Variants in BCL2 observed in about 807,000 individuals in gnomAD.
The protein encoded by BCL2 is apoptosis regulator Bcl-2.
In BCL2, 1 loss-of-function variant was observed where a neutral mutation model predicts 14.2. The ratio of observed to expected loss-of-function variants is 0.07; its 90% CI spans 0.02 to 0.33. BCL2 has a LOEUF of 0.33. Ranked by LOEUF, BCL2 falls within the 10% of genes least tolerant of loss-of-function variation. The probability of loss-of-function intolerance (pLI) is 0.99; values close to 1 mark genes in which losing one functional copy is unlikely to be tolerated. For missense variants in BCL2, 247 were observed against 305.9 expected, an observed-to-expected ratio of 0.81 and a Z score of 1.44; for synonymous variants, 151 against 137.2, an observed-to-expected ratio of 1.10 and a Z score of -0.70.
chr18:63,253,213 AG>A (rs1270325700), intron 2 of BCL2, among the ~76,000 whole-genome samples: 6 of 152,330 alleles, frequency 3.9e-5, no homozygotes, highest in African/African-American at 1.4e-4. Flanking sequence ...GGCACTTAGC[AG>A]ATGAGCAGAA....
chr18:63,314,728 A>G (rs1452089308), intron 2 of BCL2: 1 of 152,256 alleles, frequency 6.6e-6, no homozygotes, highest in Non-Finnish European at 1.5e-5. Context: ...TACAGAATTT[A>G]AACTGTGTTA....
chr18:63,251,355 A>G (rs1310321713), intron 2 of BCL2, among the ~76,000 whole-genome samples: 3 of 152,140 alleles, frequency 2.0e-5, no homozygotes, highest in Non-Finnish European at 4.4e-5. Flanking sequence ...TACAAAGTCA[A>G]CCATGACTGT....
intron 2 of BCL2, among the ~76,000 whole-genome samples, chr18:63,281,861 T>C (rs1003934364): frequency 6.6e-6 from 1 of 152,158 alleles, no homozygotes; most frequent in Non-Finnish European, 1.5e-5. Context: ...GAAGCCAACA[T>C]GTCCACCTTA....
chr18:63,289,276 A>G (rs941402235), intron 2 of BCL2, among the ~76,000 whole-genome samples: 2 of 152,220 alleles, frequency 1.3e-5, no homozygotes, highest in African/African-American at 4.8e-5. Context: ...AATGGCACAA[A>G]AAAAAAGAAA....
chr18:63,193,683 T>C (rs1909358735), intron 2 of BCL2, among the ~76,000 whole-genome samples: 1 of 151,428 alleles, frequency 6.6e-6, no homozygotes, highest in South Asian at 2.1e-4. Context: ...CACACACACA[T>C]TTTCCGTATC....
chr18:63,206,384 C>A (rs1909838648), intron 2 of BCL2, among the ~76,000 whole-genome samples: 1 of 152,242 alleles, frequency 6.6e-6, no homozygotes, highest in South Asian at 2.1e-4. Context: ...GGGCATGTAG[C>A]CTTTTCCCTA....
chr18:63,185,560 C>T (rs902621493), intron 2 of BCL2, among the ~76,000 whole-genome samples: 4 of 152,196 alleles, frequency 2.6e-5, no homozygotes, highest in African/African-American at 7.2e-5. Flanking sequence ...TGTTTATTAT[C>T]CTTTGCATCT....
chr18:63,319,884 AC>A, upstream of BCL2: 1 of 175,352 alleles, frequency 5.7e-6, no homozygotes, highest in East Asian at 9.6e-5. Context: ...CCACCGGCGC[AC>A]CCCGCCTCCG....
chr18:63,293,371 A>C (rs998881048), intron 2 of BCL2, among the ~76,000 whole-genome samples: 2 of 152,086 alleles, frequency 1.3e-5, no homozygotes, highest in African/African-American at 4.8e-5. Context: ...CAGAATAACA[A>C]TTTTCAGCAT....
intron 2 of BCL2, among the ~76,000 whole-genome samples, chr18:63,248,581 T>C (rs1237047435): frequency 3.3e-5 from 5 of 152,200 alleles, no homozygotes; most frequent in African/African-American, 1.2e-4. Context: ...TTCTCCGTGG[T>C]GAACTGGATG....
At chr18:63,181,427 C>T (rs1023479070) in intron 2 of BCL2, among the ~76,000 whole-genome samples, 1 of 152,206 alleles carries the variant, frequency 6.6e-6, no homozygotes, top group African/African-American at 2.4e-5. Flanking sequence ...TTGGGACCTT[C>T]ACCTGTAGAG....
intron 2 of BCL2, among the ~76,000 whole-genome samples, chr18:63,167,433 T>C (rs1342492919): frequency 6.6e-6 from 1 of 152,204 alleles, no homozygotes; most frequent in African/African-American, 2.4e-5. Context: ...TTTGCTAAAG[T>C]GAAGGCTGAC....
chr18:63,210,833 G>A (rs1909978118), intron 2 of BCL2, among the ~76,000 whole-genome samples: 1 of 152,092 alleles, frequency 6.6e-6, no homozygotes, highest in Admixed American at 6.6e-5. Context: ...CTACCCTGGA[G>A]ATGTGGCTCC....
In BCL2 at chr18:63,127,505, T is replaced by C. The variant is rs537166590; in HGVS notation, c.*1120A>G. On this transcript the variant is annotated 3_prime_UTR_variant, in exon 3 of 3. Coordinates refer to ENST00000333681, the MANE Select transcript of BCL2 (RefSeq NM_000633.3). ...CCAGCCACACCCCTCTACTGCTCTTTCTTGACAGTGGAATTCTGAGCTCCA... is the reference window on the plus strand; with the variant it reads ...CCAGCCACACCCCTCTACTGCTCTTCCTTGACAGTGGAATTCTGAGCTCCA... 3 of 232,008 alleles carry C rather than the reference T, an allele frequency of 1.3e-5. No homozygotes were observed. In the East Asian group the frequency reaches 1.8e-4, roughly 14 times the overall value. 14.4% of individuals were successfully genotyped at this position (232,008 alleles called of 1,614,324 possible). A position where few individuals can be genotyped will look rare whatever the true frequency, so the allele number is the denominator to read the frequency against.
chr18:63,177,548 TC>T (rs1266954088), intron 2 of BCL2, among the ~76,000 whole-genome samples: 8 of 152,196 alleles, frequency 5.3e-5, no homozygotes, highest in Non-Finnish European at 1.0e-4. Context: ...CCACTTATCC[TC>T]CTTGCCTGTC....
At position 63,319,640 on chromosome 18, in the gene BCL2, C is replaced by G. The variant is rs764236005; in HGVS notation, c.-753G>C. 15 of 223,346 alleles carry G rather than the reference C, an allele frequency of 6.7e-5. No individual in the cohort carries two copies. The highest frequency in any genetic ancestry group is 1.3e-4 in the Non-Finnish European group (15 of 111,884). 13.8% of individuals were successfully genotyped at this position (223,346 alleles called of 1,614,324 possible). A position where few individuals can be genotyped will look rare whatever the true frequency, so the allele number is the denominator to read the frequency against. ...AGGAGCCGGGGACGGAGGCAGGAATCCTCTTCTGATTAAACTCCGAACAGC... is the reference window on the plus strand; with the variant it reads ...AGGAGCCGGGGACGGAGGCAGGAATGCTCTTCTGATTAAACTCCGAACAGC... On this transcript the variant is annotated 5_prime_UTR_variant, in exon 1 of 3. Coordinates refer to ENST00000333681, the MANE Select transcript of BCL2 (RefSeq NM_000633.3).
At chr18:63,263,833 A>AT (rs1368820963) in intron 2 of BCL2, among the ~76,000 whole-genome samples, 2 of 150,852 alleles carry the variant, frequency 1.3e-5, no homozygotes, top group Middle Eastern at 3.2e-3. Flanking sequence ...ACTGCTGCAA[A>AT]TTTTTTTTTT....
chr18:63,301,078 C>T lies in BCL2; in HGVS notation c.585+17004G>A, dbSNP rs142015858. On this transcript the variant is annotated intron_variant, in intron 2 of 2. Transcript: ENST00000333681. ...ATGCATGCCATGACATGGGTGAACT[C>T]TGAAAATATGTTAGATAAAACAAGC... Among the ~76,000 whole-genome samples the T allele has an allele frequency of 2.0e-5, 3 of 152,294 alleles. No individual in the cohort carries two copies. The East Asian group carries it at 5.8e-4, about 29-fold the overall frequency.
intron 2 of BCL2, among the ~76,000 whole-genome samples, chr18:63,179,717 T>C (rs774245406): frequency 6.6e-6 from 1 of 152,174 alleles, no homozygotes; most frequent in Middle Eastern, 3.2e-3. Context: ...GACACTCACA[T>C]TGATTAAGTC....
Sources: gnomAD v4.1 joint callset for allele counts (sites outside exome capture counted in the v4.1 genomes callset) on GRCh38, gnomAD v4.1.1 for gene constraint, MANE v1.5 for transcripts, NCBI Gene and HGNC (gene_info 2026-07-23, HGNC 2026-07-21) for gene names.